Variants in SPOCK3 observed in about 807,000 individuals in gnomAD.
SPOCK3 encodes the protein testican-3.
Under a neutral mutation model 56.6 loss-of-function variants are expected in SPOCK3, and 30 were observed. That is an observed-to-expected ratio of 0.53 (90% confidence interval 0.40 to 0.72). SPOCK3 has a LOEUF of 0.72. Ranked by LOEUF, SPOCK3 falls within the 30% of genes least tolerant of loss-of-function variation. The pLI, the probability that SPOCK3 is intolerant of heterozygous loss-of-function variation, is 0.00. For missense variants in SPOCK3, 527 were observed against 530.0 expected (o/e 0.99, Z 0.06); for synonymous variants, 196 against 183.3 (o/e 1.07, Z -0.56).
At chr4:166,975,920 A>T (rs1009708128) in intron 4 of SPOCK3, among the ~76,000 whole-genome samples, 4 of 152,116 alleles carry the variant, frequency 2.6e-5, no homozygotes, top group Non-Finnish European at 5.9e-5. Context: ...TCATCTGCTC[A>T]TGGACCCTGA....
chr4:166,794,711 C>T (rs1364289945), intron 6 of SPOCK3, among the ~76,000 whole-genome samples: 3 of 145,806 alleles, frequency 2.1e-5, no homozygotes, highest in Non-Finnish European at 4.5e-5. Flanking sequence ...GGCACAGTCT[C>T]GGCTCACTGC....
intron 9 of SPOCK3, among the ~76,000 whole-genome samples, chr4:166,737,928 G>T (rs139875631): frequency 1.1e-4 from 16 of 152,260 alleles, no homozygotes; most frequent in African/African-American, 3.9e-4. Flanking sequence ...TCTGATTAGT[G>T]CCATGCTTAT....
At chr4:166,909,825 G>A (rs1186507450) in intron 5 of SPOCK3, among the ~76,000 whole-genome samples, 1 of 152,084 alleles carries the variant, frequency 6.6e-6, no homozygotes, top group Non-Finnish European at 1.5e-5. Context: ...AGTGATCCAA[G>A]AGCCAGAAGA....
chr4:166,848,955 T>C (rs1748388669), intron 6 of SPOCK3, among the ~76,000 whole-genome samples: 1 of 152,216 alleles, frequency 6.6e-6, no homozygotes, highest in South Asian at 2.1e-4. Flanking sequence ...ACCAACACCA[T>C]GGGCATCATT....
At chr4:167,127,530 C>A (rs947994046) in intron 2 of SPOCK3, among the ~76,000 whole-genome samples, 1 of 151,886 alleles carries the variant, frequency 6.6e-6, no homozygotes, top group Non-Finnish European at 1.5e-5. Context: ...CGGGTTCAAG[C>A]AATTCTCCTG....
At chr4:167,232,359 A>C (rs1354864873) in intron 2 of SPOCK3, among the ~76,000 whole-genome samples, 5 of 145,588 alleles carry the variant, frequency 3.4e-5, no homozygotes, top group East Asian at 4.0e-4. Context: ...AAAAAAAAAA[A>C]AAACCCAAAA....
intron 6 of SPOCK3, among the ~76,000 whole-genome samples, chr4:166,836,035 T>C (rs1189440362): frequency 1.3e-5 from 2 of 152,126 alleles, no homozygotes; most frequent in East Asian, 1.9e-4. Context: ...AAATTCTGTT[T>C]TACTATTGAA....
chr4:166,894,004 A>G lies in SPOCK3; in HGVS notation c.475-4760T>C, dbSNP rs569741577. 2.0e-4 allele frequency among the ~76,000 whole-genome samples: 30 copies of G among 152,254 alleles called. No homozygotes were observed. In the South Asian group the frequency reaches 6.0e-3, roughly 30 times the overall value. ...AGCCTTAAATCCATTTGTTCATTCA[A>G]TCAGGATATATCATTTGCACAAAAT... On this transcript the variant is annotated intron_variant, in intron 5 of 10. Coordinates refer to ENST00000357545, the MANE Select transcript of SPOCK3 (RefSeq NM_001040159.2).
chr4:167,056,346 C>A (rs1225629046), intron 3 of SPOCK3, among the ~76,000 whole-genome samples: 3 of 152,088 alleles, frequency 2.0e-5, no homozygotes, highest in Admixed American at 6.5e-5. Flanking sequence ...AAAAACAGAG[C>A]AGAAAAACTG....
chr4:167,026,193 C>G (rs1046423280), intron 3 of SPOCK3, among the ~76,000 whole-genome samples: 1 of 152,000 alleles, frequency 6.6e-6, no homozygotes, highest in Admixed American at 6.6e-5. Flanking sequence ...ACATGCCATG[C>G]AGAGCCCTGT....
intron 6 of SPOCK3, among the ~76,000 whole-genome samples, chr4:166,881,987 A>G (rs1034188149): frequency 6.6e-6 from 1 of 152,182 alleles, no homozygotes; most frequent in African/African-American, 2.4e-5. Context: ...GTGGTAGATC[A>G]TATTTTTTAA....
At chr4:167,154,436 G>A (rs902522423) in intron 2 of SPOCK3, among the ~76,000 whole-genome samples, 3 of 151,954 alleles carry the variant, frequency 2.0e-5, no homozygotes, top group African/African-American at 4.8e-5. Context: ...AAAAAATGAG[G>A]TTATTTTTCC....
At chr4:167,061,153 C>T (rs904549131) in intron 3 of SPOCK3, among the ~76,000 whole-genome samples, 1 of 151,844 alleles carries the variant, frequency 6.6e-6, no homozygotes, top group Admixed American at 6.6e-5. Flanking sequence ...TTGTCATGCA[C>T]ACATAAAGGA....
rs551507681 is a variant in SPOCK3, at chr4:166,952,422, G to A, written c.351-39679C>T. Among the ~76,000 whole-genome samples, 9 of 152,108 alleles carry A rather than the reference G, an allele frequency of 5.9e-5. No individual in the cohort carries two copies. In the South Asian group the frequency reaches 1.9e-3, roughly 32 times the overall value. Reference sequence around the variant, plus strand: ...AGGAGAACTACAAACCACTGCTCAAGGAAATAAAAGAGGATACAAACGAAT... The same window carrying A: ...AGGAGAACTACAAACCACTGCTCAAAGAAATAAAAGAGGATACAAACGAAT... On this transcript the variant is annotated intron_variant, in intron 4 of 10. Coordinates refer to ENST00000357545, the MANE Select transcript of SPOCK3 (RefSeq NM_001040159.2).
At chr4:167,009,277 T>C (rs1749783325) in intron 3 of SPOCK3, among the ~76,000 whole-genome samples, 1 of 151,944 alleles carries the variant, frequency 6.6e-6, no homozygotes, top group Admixed American at 6.6e-5. Flanking sequence ...GCAAAGAAAA[T>C]GGGAACTAGA....
intron 3 of SPOCK3, among the ~76,000 whole-genome samples, chr4:167,042,667 C>G (rs1426967267): frequency 6.6e-6 from 1 of 152,164 alleles, no homozygotes; most frequent in East Asian, 1.9e-4. Flanking sequence ...TTACACCACC[C>G]CCTATAAAGG....
intron 5 of SPOCK3, among the ~76,000 whole-genome samples, chr4:166,907,624 G>A (rs1022154047): frequency 6.6e-6 from 1 of 152,124 alleles, no homozygotes; most frequent in Non-Finnish European, 1.5e-5. Flanking sequence ...AACAAAATCA[G>A]TGTAAGGAGA....
At chr4:166,866,740 C>G (rs7691474) in intron 6 of SPOCK3, among the ~76,000 whole-genome samples, 55,324 of 151,780 alleles carry the variant, frequency 0.36, 12,619 homozygotes, top group South Asian at 0.54. Context: ...AGGATATACT[C>G]CGGAAAGTAT....
chr4:166,960,175 T>A (rs1743988544), intron 4 of SPOCK3, among the ~76,000 whole-genome samples: 1 of 152,186 alleles, frequency 6.6e-6, no homozygotes, highest in Admixed American at 6.5e-5. Flanking sequence ...TTTAAAACAA[T>A]TTTATTTATC....
Sources: allele counts gnomAD v4.1 joint callset (sites outside exome capture counted in the v4.1 genomes callset), GRCh38; gene constraint gnomAD v4.1.1; transcripts MANE v1.5; gene names NCBI Gene and HGNC (gene_info 2026-07-23, HGNC 2026-07-21).